Variants in MAP3K21 observed in about 807,000 individuals in gnomAD.
The protein encoded by MAP3K21 is mitogen-activated protein kinase kinase kinase 21, also known as mitogen-activated protein kinase kinase kinase MLK4.
A neutral mutation model predicts 86.1 loss-of-function variants in MAP3K21; 63 were observed. The ratio of observed to expected loss-of-function variants is 0.73; its 90% CI spans 0.60 to 0.90. The LOEUF is 0.90. Among genes scored for constraint, MAP3K21 ranks in the 40% least tolerant of loss-of-function variants. The pLI is 0.00. For synonymous variants in MAP3K21, 558 were observed against 564.8 expected (o/e 0.99, Z 0.17); for missense variants, 1,220 against 1,367.7 (o/e 0.89, Z 1.70).
intron 1 of MAP3K21, among the ~76,000 whole-genome samples, 173 bp downstream of exon 1, chr1:233,329,006 T>G (rs577898491): frequency 3.8e-4 from 58 of 152,198 alleles, no homozygotes; most frequent in African/African-American, 1.4e-3. Flanking sequence ...GTTACTTGCT[T>G]TGGGGCTGGT....
chr1:233,347,273 A>G (rs1353033270), intron 2 of MAP3K21, among the ~76,000 whole-genome samples: 1 of 152,190 alleles, frequency 6.6e-6, no homozygotes, highest in East Asian at 1.9e-4. Flanking sequence ...TAAGAAAAAA[A>G]TTTAGACCTA....
chr1:233,374,718 C>T (rs1261222674), intron 6 of MAP3K21, among the ~76,000 whole-genome samples: 1 of 143,996 alleles, frequency 6.9e-6, no homozygotes, highest in Non-Finnish European at 1.5e-5. Flanking sequence ...TGTGTATATA[C>T]AGGCATCTAT....
At chr1:233,351,963 A>C (rs1000636830) in intron 2 of MAP3K21, among the ~76,000 whole-genome samples, 4 of 152,098 alleles carry the variant, frequency 2.6e-5, no homozygotes, top group African/African-American at 9.7e-5. Context: ...ATCACAGCGC[A>C]CTGCAGCCTC....
At chr1:233,336,407 G>C (rs2102758642) in intron 1 of MAP3K21, among the ~76,000 whole-genome samples, 1 of 152,192 alleles carries the variant, frequency 6.6e-6, no homozygotes, top group South Asian at 2.1e-4. Context: ...CGGACGTGGT[G>C]GTGGGTGCCT....
intron 7 of MAP3K21, 41 bp from the exon 8 acceptor site, chr1:233,376,389 T>C (rs775384105): frequency 7.2e-7 from 1 of 1,392,322 alleles, no homozygotes; most frequent in Non-Finnish European, 1.0e-6. Context: ...TGGTGTGTTG[T>C]GTGCTTCTAT....
At chr1:233,382,242 A>C (rs1480599282) in intron 9 of MAP3K21, 63 bp from the exon 10 acceptor site, 2 of 1,341,918 alleles carry the variant, frequency 1.5e-6, no homozygotes, top group East Asian at 4.6e-5. Context: ...ATTTTTCTTG[A>C]TATTCATTGT....
chr1:233,343,102 T>C (rs1436593168), intron 1 of MAP3K21, among the ~76,000 whole-genome samples: 1 of 152,186 alleles, frequency 6.6e-6, no homozygotes, highest in Non-Finnish European at 1.5e-5. Context: ...TTTCCTCCAA[T>C]TGGGTTCCCT....
chr1:233,336,050 ACT>A (rs1380799236), intron 1 of MAP3K21, among the ~76,000 whole-genome samples: 3 of 152,020 alleles, frequency 2.0e-5, no homozygotes, highest in Non-Finnish European at 4.4e-5. Flanking sequence ...CCAGAATGAC[ACT>A]CTTTAGCAGT....
chr1:233,381,904 C>A (rs1396181446), intron 9 of MAP3K21, among the ~76,000 whole-genome samples: 1 of 152,168 alleles, frequency 6.6e-6, no homozygotes, highest in African/African-American at 2.4e-5. Flanking sequence ...TAAATTTATT[C>A]CAGTCTAGTC....
chr1:233,379,190 CCTT>C lies in MAP3K21; in HGVS notation c.2187_2189del (p.Leu730del). The C allele has an allele frequency of 6.2e-7, 1 of 1,614,208 alleles. No individual in the cohort carries two copies. The highest frequency in any genetic ancestry group is 8.5e-7 in the Non-Finnish European group (1 of 1,180,028). On this transcript the variant is annotated inframe_deletion, in exon 9 of 10. Coordinates refer to ENST00000366624, the MANE Select transcript of MAP3K21 (RefSeq NM_032435.3). ...AGTCAGCTCTGTATGGGTGCACCGT[CCTT>C]CTGGCATCGGTGGCTCTGGGACTGG...
chr1:233,379,514 G>A lies in MAP3K21; in HGVS notation c.2508G>A (p.Pro836=), dbSNP rs751864927. Residue 836 remains proline, a synonymous_variant, in exon 9 of 10, where the codon CCG becomes CCA. Transcript: ENST00000366624. ...PVTCDSEMLT[P]DFCPTAPGSG... is the part of the protein sequence containing the mutation. Reference sequence around the variant, plus strand: ...CTTGTGACTCTGAGATGCTCACTCCGGATTTTTGTCCCACTGCCCCAGGAA... The same window carrying A: ...CTTGTGACTCTGAGATGCTCACTCCAGATTTTTGTCCCACTGCCCCAGGAA... 17 of 1,614,042 alleles carry A rather than the reference G, an allele frequency of 1.1e-5. No individual in the cohort carries two copies. The highest frequency in any genetic ancestry group is 2.2e-5 in the South Asian group (2 of 91,082).
At chr1:233,339,763 C>T (rs1244426457) in intron 1 of MAP3K21, among the ~76,000 whole-genome samples, 1 of 152,132 alleles carries the variant, frequency 6.6e-6, no homozygotes, top group African/African-American at 2.4e-5. Flanking sequence ...GGATTACAGG[C>T]TTGAGGCACC....
chr1:233,381,930 C>T (rs1230179363), intron 9 of MAP3K21, among the ~76,000 whole-genome samples: 6 of 152,108 alleles, frequency 3.9e-5, no homozygotes, highest in South Asian at 2.1e-4. Context: ...TGAAAGCTAC[C>T]GTTATAATAT....
chr1:233,342,024 T>C (rs1253658988), intron 1 of MAP3K21, among the ~76,000 whole-genome samples: 1 of 152,242 alleles, frequency 6.6e-6, no homozygotes, highest in Non-Finnish European at 1.5e-5. Context: ...TTGTTGTTGT[T>C]GTTTCAGCTT....
chr1:233,363,026 A>G (rs1450084167), intron 5 of MAP3K21, among the ~76,000 whole-genome samples: 1 of 152,208 alleles, frequency 6.6e-6, no homozygotes, highest in Non-Finnish European at 1.5e-5. Context: ...TTAATATTAT[A>G]TATTCTACTT....
intron 4 of MAP3K21, among the ~76,000 whole-genome samples, chr1:233,356,992 C>T (rs537197852): frequency 2.6e-5 from 4 of 152,238 alleles, no homozygotes; most frequent in Non-Finnish European, 5.9e-5. Flanking sequence ...GACTAATGTC[C>T]GGGTGTGGTG....
Position 233,328,352 on chromosome 1 carries a change from G to A in MAP3K21, c.324G>A (p.Pro108=). Residue 108 remains proline, a synonymous_variant, in exon 1 of 10, where the codon CCG becomes CCA. Coordinates refer to ENST00000366624, the MANE Select transcript of MAP3K21 (RefSeq NM_032435.3). This position sits in a 1 kb window ranked among gnomAD's most constrained non-coding sequence, Gnocchi z 8.7. ...GCCGCCCGGCCGCCAGCCCCGCGCC[G>A]CCGCCCTCGCGGCCCAGCTCCCCGG... ...APCRPAASPA[P]PPSRPSSPVH... is the part of the protein sequence containing the mutation. The A allele has an allele frequency of 2.0e-6, 3 of 1,467,570 alleles. No homozygotes were observed. In the East Asian group the frequency reaches 8.9e-5, roughly 43 times the overall value. 90.9% of individuals were successfully genotyped at this position (1,467,570 alleles called of 1,614,324 possible).
In MAP3K21 at chr1:233,328,445, C is replaced by T; in HGVS notation, c.417C>T (p.Tyr139=). The change falls in exon 1 of 10, where the codon TAC becomes TAT. Residue 139 remains tyrosine (Y), a synonymous_variant. Coordinates refer to ENST00000366624, the MANE Select transcript of MAP3K21 (RefSeq NM_032435.3). The surrounding 1 kb of genome is among the most constrained non-coding windows in gnomAD (Gnocchi z 8.7). ...GCGCTGGGGGCTTCGGGCAGGTGTA[C>T]CGCGCCACCTGGCAGGGCCAGGAGG... ...LIGAGGFGQV[Y]RATWQGQEVA... The T allele has an allele frequency of 6.7e-7, 1 of 1,495,386 alleles. No homozygotes were observed. The highest frequency in any genetic ancestry group is 1.3e-5 in the South Asian group (1 of 79,176). The allele number at this position is 1,495,386 out of a possible 1,614,324, so 92.6% of individuals were successfully genotyped here.
intron 1 of MAP3K21, among the ~76,000 whole-genome samples, chr1:233,341,326 A>G (rs1274534509): frequency 2.6e-5 from 4 of 152,102 alleles, no homozygotes; most frequent in African/African-American, 7.2e-5. Flanking sequence ...GCCCCATTAT[A>G]TTACCTGTTG....
Sources: allele counts gnomAD v4.1 joint callset (sites outside exome capture counted in the v4.1 genomes callset), GRCh38; gene constraint gnomAD v4.1.1; non-coding constraint Gnocchi (gnomAD v3.1); transcripts MANE v1.5; gene names NCBI Gene and HGNC (gene_info 2026-07-23, HGNC 2026-07-21).